Variants in KLHL32 observed in about 807,000 individuals in gnomAD.
KLHL32 encodes the protein kelch-like protein 32.
Under a neutral mutation model 64.8 loss-of-function variants are expected in KLHL32, and 35 were observed. The observed-to-expected ratio is 0.54, with a 90% CI of 0.41 to 0.72. KLHL32 has a LOEUF of 0.72. Ranked by LOEUF, KLHL32 falls within the 30% of genes least tolerant of loss-of-function variation. KLHL32 has a pLI of 0.00. For missense variants in KLHL32, 589 were observed against 768.5 expected (o/e 0.77, Z 2.76); for synonymous variants, 259 against 281.0 (o/e 0.92, Z 0.78).
At chr6:97,069,018 G>A (rs80199383) in intron 5 of KLHL32, among the ~76,000 whole-genome samples, 1,624 of 152,206 alleles carry the variant, frequency 0.011, 22 homozygotes, top group Middle Eastern at 0.024. Flanking sequence ...CATTGTAAGG[G>A]AAACAGAGAA....
intron 6 of KLHL32, among the ~76,000 whole-genome samples, chr6:97,094,399 C>G (rs1249730917): frequency 6.6e-6 from 1 of 152,200 alleles, no homozygotes; most frequent in Non-Finnish European, 1.5e-5. Context: ...CCACCCTTGC[C>G]TCCAAAACTT....
chr6:97,083,622 G>C (rs907568201), intron 5 of KLHL32, among the ~76,000 whole-genome samples: 3 of 152,140 alleles, frequency 2.0e-5, no homozygotes, highest in Non-Finnish European at 4.4e-5. Flanking sequence ...TTTTTTAAAA[G>C]TCTAGAAGTA....
chr6:96,977,768 C>T (rs1262423402), intron 3 of KLHL32, among the ~76,000 whole-genome samples: 1 of 152,004 alleles, frequency 6.6e-6, no homozygotes, highest in African/African-American at 2.4e-5. Flanking sequence ...AGAAGACAGC[C>T]TTTTTTAAAA....
At chr6:97,133,019 C>CT (rs1163333548) in intron 10 of KLHL32, among the ~76,000 whole-genome samples, 1 of 152,126 alleles carries the variant, frequency 6.6e-6, no homozygotes. Flanking sequence ...ATAGCGTTCC[C>CT]TTTCTCATAA....
chr6:97,108,909 G>A (rs1186403988), intron 6 of KLHL32, among the ~76,000 whole-genome samples: 3 of 152,266 alleles, frequency 2.0e-5, no homozygotes, highest in South Asian at 2.1e-4. Context: ...AAAACAGAGT[G>A]AATTTCCTCT....
intron 1 of KLHL32, among the ~76,000 whole-genome samples, chr6:96,962,573 T>A (rs1196167626): frequency 1.3e-5 from 2 of 152,132 alleles, no homozygotes; most frequent in Non-Finnish European, 2.9e-5. Flanking sequence ...TGAACTACAT[T>A]AGCAAAAAGT....
chr6:97,123,225 C>G (rs1278498210), intron 7 of KLHL32, among the ~76,000 whole-genome samples: 1 of 152,142 alleles, frequency 6.6e-6, no homozygotes, highest in African/African-American at 2.4e-5. Context: ...CCGGCATTGA[C>G]CAGTTGTTGC....
upstream of KLHL32, among the ~76,000 whole-genome samples, chr6:96,924,426 A>G (rs1314870471): frequency 7.5e-6 from 1 of 133,142 alleles, no homozygotes; most frequent in Non-Finnish European, 1.6e-5. Flanking sequence ...GGAGGAGGGT[A>G]CTTCCGGGAC....
At chr6:97,003,486 C>CT (rs1779293751) in intron 3 of KLHL32, among the ~76,000 whole-genome samples, 1 of 152,136 alleles carries the variant, frequency 6.6e-6, no homozygotes, top group East Asian at 1.9e-4. Context: ...TATGCAGAAG[C>CT]TATTTAGTTT....
chr6:97,043,303 G>A (rs1785408809), intron 4 of KLHL32, among the ~76,000 whole-genome samples: 1 of 152,120 alleles, frequency 6.6e-6, no homozygotes, highest in African/African-American at 2.4e-5. Flanking sequence ...CAGCATATAA[G>A]TGAGATCATG....
rs558232672 is a variant in KLHL32 at position 97,129,535 on chromosome 6, G to T, written c.1414-1222G>T. 1.2e-4 allele frequency among the ~76,000 whole-genome samples: 18 copies of T among 152,234 alleles called. No homozygotes were observed. In the South Asian group the frequency reaches 3.7e-3, roughly 32 times the overall value. On this transcript the variant is annotated intron_variant, in intron 8 of 10. Coordinates refer to ENST00000369261, the MANE Select transcript of KLHL32 (RefSeq NM_052904.4). Reference sequence around the variant, plus strand: ...GGGCATACTCTTCCCATTACTGAGGGTGAACAGGAACCAAATATTGAAGGT... The same window carrying T: ...GGGCATACTCTTCCCATTACTGAGGTTGAACAGGAACCAAATATTGAAGGT...
At chr6:96,990,703 C>A (rs9487676) in intron 3 of KLHL32, among the ~76,000 whole-genome samples, 12,877 of 150,484 alleles carry the variant, frequency 0.086, 1,152 homozygotes, top group Admixed American at 0.22. Context: ...GAGCTGCTAC[C>A]AGTTGGTGTG....
chr6:97,087,707 G>A (rs570184548), intron 6 of KLHL32, among the ~76,000 whole-genome samples: 6 of 152,200 alleles, frequency 3.9e-5, no homozygotes, highest in African/African-American at 9.6e-5. Flanking sequence ...ACACACTTAC[G>A]CAGGTGGCTC....
chr6:96,953,224 T>C lies in KLHL32; in HGVS notation c.-65-13772T>C, dbSNP rs566055559. 6.1e-4 allele frequency among the ~76,000 whole-genome samples: 93 copies of C among 152,344 alleles called. 3 individuals are homozygous for C. Among genetic ancestry groups the C allele is most frequent in the African/African-American group, 2.1e-3 (88 of 41,582 alleles). ...ATTGTTTCCAAGAATCTATCAATAA[T>C]GTATGTGAGAACTTACTTTATTTAC... On this transcript the variant is annotated intron_variant, in intron 1 of 10. Transcript: ENST00000369261.
intron 6 of KLHL32, among the ~76,000 whole-genome samples, chr6:97,103,197 T>C (rs932538428): frequency 6.7e-6 from 1 of 149,856 alleles, no homozygotes; most frequent in African/African-American, 2.5e-5. Context: ...AACAATTTAC[T>C]AAAACTTGAA....
intron 4 of KLHL32, among the ~76,000 whole-genome samples, chr6:97,063,886 A>G (rs866109348): frequency 2.0e-5 from 3 of 152,136 alleles, no homozygotes; most frequent in Non-Finnish European, 2.9e-5. Flanking sequence ...TTTTGTCAAC[A>G]TGGTCGTGTG....
intron 3 of KLHL32, among the ~76,000 whole-genome samples, chr6:96,979,968 T>C (rs774614527): frequency 6.7e-6 from 1 of 149,990 alleles, no homozygotes; most frequent in African/African-American, 2.5e-5. Context: ...GCTTGGATGT[T>C]GTTGGTGTAT....
intron 4 of KLHL32, among the ~76,000 whole-genome samples, chr6:97,052,500 C>T (rs773283393): frequency 1.3e-5 from 2 of 152,198 alleles, no homozygotes; most frequent in Non-Finnish European, 2.9e-5. Flanking sequence ...GAGTTAGGTT[C>T]GGGGCTTCAA....
intron 7 of KLHL32, among the ~76,000 whole-genome samples, chr6:97,120,974 A>G (rs1261262740): frequency 6.6e-6 from 1 of 152,222 alleles, no homozygotes; most frequent in Non-Finnish European, 1.5e-5. Flanking sequence ...ACAAACAGAA[A>G]TGTAGTATTC....
Sources: gnomAD v4.1 joint callset for allele counts (sites outside exome capture counted in the v4.1 genomes callset) on GRCh38, gnomAD v4.1.1 for gene constraint, MANE v1.5 for transcripts, NCBI Gene and HGNC (gene_info 2026-07-23, HGNC 2026-07-21) for gene names.